Variants in MECOM observed in about 807,000 individuals in gnomAD.
MECOM encodes the protein MDS1 and EVI1 complex locus.
Under a neutral mutation model 116.3 loss-of-function variants are expected in MECOM, and 13 were observed. The observed-to-expected ratio is 0.11, with a 90% CI of 0.07 to 0.18. MECOM has a LOEUF of 0.18. Ranked by LOEUF, MECOM falls within the 10% of genes least tolerant of loss-of-function variation. The pLI, the probability that MECOM is intolerant of heterozygous loss-of-function variation, is 1.00. For synonymous variants in MECOM, 528 were observed against 535.2 expected, an observed-to-expected ratio of 0.99 and a Z score of 0.19; for missense variants, 1,299 against 1,509.0, an observed-to-expected ratio of 0.86 and a Z score of 2.31.
chr3:169,550,820 C>CTT (rs35343157), intron 1 of MECOM, among the ~76,000 whole-genome samples: 6,516 of 91,594 alleles, frequency 0.071, 607 homozygotes, highest in Non-Finnish European at 0.1. Flanking sequence ...GTTCCCTTTC[C>CTT]TTTTTTTTTT....
chr3:169,186,348 G>T (rs1211982044), intron 2 of MECOM, among the ~76,000 whole-genome samples: 33 of 38,004 alleles, frequency 8.7e-4, no homozygotes, highest in Non-Finnish European at 1.2e-3. Context: ...AGGGAGGGAA[G>T]GAAGGAAGGA....
intron 2 of MECOM, among the ~76,000 whole-genome samples, chr3:169,368,515 G>A (rs1729556181): frequency 6.6e-6 from 1 of 151,766 alleles, no homozygotes; most frequent in Admixed American, 6.6e-5. Context: ...ATCATTATTG[G>A]AACAAATTCT....
At position 169,381,514 on chromosome 3, in the gene MECOM, A is replaced by G. The variant is rs1443843236; in HGVS notation, c.48T>C (p.Cys16=). 1.9e-6 allele frequency: 3 copies of G among 1,601,344 alleles called. No individual in the cohort carries two copies. The Admixed American group carries it at 5.1e-5, about 27-fold the overall frequency. ...RARKLATNNE[C]VYGNYPEIPL... Reference sequence around the variant, plus strand: ...GTATTTCAGGGTAGTTGCCATATACACACTCATTATCTGTGAATAAATAAG... The same window carrying G: ...GTATTTCAGGGTAGTTGCCATATACGCACTCATTATCTGTGAATAAATAAG... The change falls in exon 2 of 17, where the codon TGT becomes TGC. Residue 16 remains cysteine (C), a synonymous_variant. Coordinates refer to ENST00000651503, the MANE Select transcript of MECOM (RefSeq NM_004991.4).
chr3:169,525,486 G>C (rs1757859203), intron 1 of MECOM, among the ~76,000 whole-genome samples: 1 of 152,146 alleles, frequency 6.6e-6, no homozygotes, highest in African/African-American at 2.4e-5. Context: ...TTCATACTGA[G>C]AGTATATAGC....
chr3:169,418,814 G>A (rs1431472102), intron 1 of MECOM, among the ~76,000 whole-genome samples: 1 of 151,988 alleles, frequency 6.6e-6, no homozygotes, highest in African/African-American at 2.4e-5. Context: ...AAACCTGGAA[G>A]CATTCCTTTT....
chr3:169,215,653 C>T (rs933004787), intron 2 of MECOM, among the ~76,000 whole-genome samples: 6 of 152,164 alleles, frequency 3.9e-5, no homozygotes, highest in Admixed American at 1.3e-4. Flanking sequence ...CCTGATGTGG[C>T]AAAATCACCC....
intron 2 of MECOM, among the ~76,000 whole-genome samples, chr3:169,340,820 G>T (rs1174959444): frequency 4.6e-5 from 7 of 152,196 alleles, no homozygotes; most frequent in African/African-American, 7.2e-5. Context: ...GAATCCATCA[G>T]CTTCTTGCAA....
At chr3:169,138,439 T>C (rs947866254) in intron 3 of MECOM, among the ~76,000 whole-genome samples, 39 of 152,250 alleles carry the variant, frequency 2.6e-4, no homozygotes, top group African/African-American at 8.9e-4. Context: ...TGGCAAACTA[T>C]GTTTGAAAGA....
At chr3:169,111,932 T>C (rs1170253958) in intron 9 of MECOM, among the ~76,000 whole-genome samples, 1 of 152,190 alleles carries the variant, frequency 6.6e-6, no homozygotes, top group Non-Finnish European at 1.5e-5. Flanking sequence ...TCATTTTTTG[T>C]TTGAACATAT....
chr3:169,176,915 G>A (rs1745246891), intron 2 of MECOM, among the ~76,000 whole-genome samples: 1 of 152,134 alleles, frequency 6.6e-6, no homozygotes, highest in Non-Finnish European at 1.5e-5. Context: ...ATCACAATGA[G>A]ATACCATCTC....
At chr3:169,277,414 T>C (rs573994430) in intron 2 of MECOM, among the ~76,000 whole-genome samples, 29 of 152,306 alleles carry the variant, frequency 1.9e-4, no homozygotes, top group Admixed American at 1.0e-3. Flanking sequence ...AATTCTTCTG[T>C]TTCTATGCAG....
intron 2 of MECOM, among the ~76,000 whole-genome samples, chr3:169,159,503 G>A (rs933126215): frequency 2.0e-5 from 3 of 152,088 alleles, no homozygotes; most frequent in Non-Finnish European, 2.9e-5. Context: ...AAGTTGCGGC[G>A]AGCCAAGATC....
intron 1 of MECOM, among the ~76,000 whole-genome samples, chr3:169,518,887 T>G: frequency 6.6e-6 from 1 of 152,168 alleles, no homozygotes; most frequent in Non-Finnish European, 1.5e-5. Context: ...TCTGCTGCCA[T>G]TCATGTAAGA....
intron 7 of MECOM, among the ~76,000 whole-genome samples, chr3:169,118,174 C>T (rs1427740114): frequency 1.3e-5 from 2 of 151,878 alleles, no homozygotes; most frequent in Non-Finnish European, 2.9e-5. Flanking sequence ...CTTGGATTAT[C>T]CCACATACAT....
At chr3:169,420,071 G>A (rs906253038) in intron 1 of MECOM, among the ~76,000 whole-genome samples, 17 of 152,072 alleles carry the variant, frequency 1.1e-4, no homozygotes, top group African/African-American at 2.9e-4. Flanking sequence ...ACCATCTCAC[G>A]CCAGTTAGAA....
At position 169,304,158 on chromosome 3, in the gene MECOM, C is replaced by T. The variant is rs181183653; in HGVS notation, c.375+77029G>A. ...CAAATTATCAGTATAGTTTTGGGCTCAGAAAATACTTTTAATAGTTAATCC... is the reference window on the plus strand; with the variant it reads ...CAAATTATCAGTATAGTTTTGGGCTTAGAAAATACTTTTAATAGTTAATCC... On this transcript the variant is annotated intron_variant, in intron 2 of 16. Transcript: ENST00000651503. Among the ~76,000 whole-genome samples, 16 of 152,282 alleles carry T rather than the reference C, an allele frequency of 1.1e-4. No homozygotes were observed. The East Asian group carries it at 2.9e-3, about 28-fold the overall frequency.
At position 169,405,895 on chromosome 3, in the gene MECOM, G is replaced by T. The variant is rs528404791; in HGVS notation, c.38-24371C>A. 5.9e-5 allele frequency among the ~76,000 whole-genome samples: 9 copies of T among 152,284 alleles called. No individual in the cohort carries two copies. The East Asian group carries it at 1.4e-3, about 23-fold the overall frequency. ...TTAATTGAACAAGGGTAAGGAGAAG[G>T]GGTTGAAGCTGGGTTTACAGAGCAC... On this transcript the variant is annotated intron_variant, in intron 1 of 16. Coordinates refer to ENST00000651503, the MANE Select transcript of MECOM (RefSeq NM_004991.4).
chr3:169,321,847 A>G (rs1270071415), intron 2 of MECOM, among the ~76,000 whole-genome samples: 1 of 152,242 alleles, frequency 6.6e-6, no homozygotes, highest in African/African-American at 2.4e-5. Context: ...TGGAAAGGAA[A>G]GAGGAAAGAC....
At chr3:169,285,543 G>A (rs1713103712) in intron 2 of MECOM, among the ~76,000 whole-genome samples, 1 of 152,082 alleles carries the variant, frequency 6.6e-6, no homozygotes, top group Non-Finnish European at 1.5e-5. Flanking sequence ...CTTCATATCT[G>A]GTATCTTGTA....
Sources: allele counts gnomAD v4.1 joint callset (sites outside exome capture counted in the v4.1 genomes callset), GRCh38; gene constraint gnomAD v4.1.1; transcripts MANE v1.5; gene names NCBI Gene and HGNC (gene_info 2026-07-23, HGNC 2026-07-21).